CEP162: variants seen among roughly 807,000 people sequenced by gnomAD.
CEP162 encodes the protein centrosomal protein of 162 kDa.
CEP162 carries 141 observed loss-of-function variants against 169.2 expected under a neutral mutation model. The ratio of observed to expected loss-of-function variants is 0.83; its 90% confidence interval spans 0.73 to 0.96. The LOEUF (loss-of-function observed/expected upper bound fraction) is 0.96. Ranked by LOEUF, CEP162 falls within the 40% of genes least tolerant of loss-of-function variation. The pLI is 0.00. For missense variants in CEP162, 1,600 were observed against 1,587.2 expected, an observed-to-expected ratio of 1.01 and a Z score of -0.14; for synonymous variants, 540 against 526.4, an observed-to-expected ratio of 1.03 and a Z score of -0.35.
At chr6:84,174,680 T>C (rs1363346582) in intron 15 of CEP162, 47 bp downstream of exon 15, 3 of 936,752 alleles carry the variant, frequency 3.2e-6, no homozygotes, top group Non-Finnish European at 4.7e-6. Flanking sequence ...TCAGCTTTTT[T>C]TTTTTTTAAT....
At chr6:84,130,920 C>T (rs2099511101) in intron 25 of CEP162, among the ~76,000 whole-genome samples, 5 of 152,040 alleles carry the variant, frequency 3.3e-5, no homozygotes, top group Admixed American at 3.3e-4. Flanking sequence ...TTTGCTCTTG[C>T]TTCTCTAGTT....
At chr6:84,130,687 T>A (rs1050151316) in intron 25 of CEP162, among the ~76,000 whole-genome samples, 7 of 152,234 alleles carry the variant, frequency 4.6e-5, no homozygotes, top group Non-Finnish European at 8.8e-5. Flanking sequence ...TGTATTTCTG[T>A]GGGATCGGTG....
intron 13 of CEP162, among the ~76,000 whole-genome samples, chr6:84,179,800 T>C (rs1183918046): frequency 6.6e-6 from 1 of 152,140 alleles, no homozygotes; most frequent in Non-Finnish European, 1.5e-5. Flanking sequence ...CAGGAAGAAC[T>C]TGAATCCCTG....
In CEP162 at chr6:84,185,379, C is replaced by A. The variant is rs781345509; in HGVS notation, c.1471G>T (p.Ala491Ser). Residue 491 changes from alanine to serine, a missense_variant, in exon 13 of 27, where the codon GCC becomes TCC. Ala to Ser is a moderately conservative substitution (Grantham distance 99). Transcript: ENST00000403245. ...VMGKQVPYKK[A>S]RSAPPLLKRK... is the part of the protein sequence containing the mutation. ...TTAAGTAAAGGAGGTGCACTTCTGGCCTTCTTGTATGGTACCTGTTTACCC... is the reference window on the plus strand; with the variant it reads ...TTAAGTAAAGGAGGTGCACTTCTGGACTTCTTGTATGGTACCTGTTTACCC... 8.1e-6 allele frequency: 13 copies of A among 1,613,412 alleles called. No homozygotes were observed. In the South Asian group the frequency reaches 1.3e-4, roughly 16 times the overall value.
chr6:84,194,291 G>A lies in CEP162; in HGVS notation c.1027+593C>T, dbSNP rs147592794. Among the ~76,000 whole-genome samples, 507 of 151,112 alleles carry A rather than the reference G, an allele frequency of 3.4e-3. 3 individuals carry two copies. The highest frequency in any genetic ancestry group is 0.011 in the African/African-American group (465 of 41,062). On this transcript the variant is annotated intron_variant, in intron 10 of 26. Coordinates refer to ENST00000403245, the MANE Select transcript of CEP162 (RefSeq NM_014895.4). ...AATTGCTTGAACCAGGGTGGCGGAG[G>A]CTGCTGTGAGCCGAGATCGTGCCAT...
chr6:84,153,202 T>A (rs777384043), intron 22 of CEP162, 23 bp from the exon 23 acceptor site: 16 of 1,575,020 alleles, frequency 1.0e-5, no homozygotes, highest in Middle Eastern at 1.7e-4. Context: ...ATCCATGTAA[T>A]GCCAAACACC....
At position 84,152,730 on chromosome 6, in the gene CEP162, G is replaced by A. The variant is rs1376495863; in HGVS notation, c.3444C>T (p.Asn1148=). ...TGCTGTCCAGGGTTCCAGGGAAGGA[G>A]TTAGCATTTCCTTTACTTGAGTGCA... ...DVLHSSKGNA[N]SFPGTLDSKL... The change falls in exon 23 of 27, where the codon AAC becomes AAT. Residue 1148 remains asparagine, a synonymous_variant. Transcript: ENST00000403245. 4 of 1,612,980 alleles carry A rather than the reference G, an allele frequency of 2.5e-6. No homozygotes were observed. The Admixed American group carries it at 5.0e-5, about 20-fold the overall frequency.
At chr6:84,146,629 T>A in intron 25 of CEP162, 58 bp downstream of exon 25, 1 of 729,822 alleles carries the variant, frequency 1.4e-6, no homozygotes, top group East Asian at 2.8e-5. Context: ...TAAATATGAA[T>A]ATGATTGAAA....
chr6:84,186,967 A>G (rs1180258125), intron 11 of CEP162, among the ~76,000 whole-genome samples: 2 of 152,220 alleles, frequency 1.3e-5, no homozygotes, highest in African/African-American at 2.4e-5. Context: ...TTTGTAATAT[A>G]TCTTTTATCT....
In CEP162 at chr6:84,212,947, AT is replaced by A. The variant is rs1380307998; in HGVS notation, c.571+9del. On this transcript the variant is annotated intron_variant, in intron 6 of 26. Coordinates refer to ENST00000403245, the MANE Select transcript of CEP162 (RefSeq NM_014895.4). ...TCAAATATTATAAATTTAAGAACCA[AT>A]GAAATTACCTGCCAGTTCTTCATGT... 3 of 1,498,020 alleles carry A rather than the reference AT, an allele frequency of 2.0e-6. No homozygotes were observed. The African/African-American group carries it at 4.2e-5, about 21-fold the overall frequency. 92.8% of individuals were successfully genotyped at this position (1,498,020 alleles called of 1,614,324 possible). A position where few individuals can be genotyped will look rare whatever the true frequency, so the allele number is the denominator to read the frequency against.
At chr6:84,167,347 C>A (rs1301940477) in intron 18 of CEP162, among the ~76,000 whole-genome samples, 13 of 152,116 alleles carry the variant, frequency 8.5e-5, no homozygotes, top group Admixed American at 8.5e-4. Context: ...TCCCACAGCT[C>A]TGTTTAATGT....
intron 11 of CEP162, among the ~76,000 whole-genome samples, chr6:84,189,567 C>T (rs2099538844): frequency 6.6e-6 from 1 of 152,230 alleles, no homozygotes; most frequent in Admixed American, 6.5e-5. Flanking sequence ...CCCACCGGCG[C>T]TGCGCTCGAT....
chr6:84,215,213 C>A, intron 5 of CEP162, 69 bp downstream of exon 5: 1 of 768,020 alleles, frequency 1.3e-6, no homozygotes, highest in Non-Finnish European at 1.9e-6. Context: ...TATTTAAAAT[C>A]ACACATATAT....
intron 25 of CEP162, among the ~76,000 whole-genome samples, chr6:84,139,775 G>T (rs1381325007): frequency 1.3e-5 from 2 of 152,204 alleles, no homozygotes; most frequent in African/African-American, 4.8e-5. Context: ...TGACTCTTGT[G>T]GGTTTGGTTT....
chr6:84,164,463 T>C (rs1588768498), intron 18 of CEP162, among the ~76,000 whole-genome samples: 1 of 152,184 alleles, frequency 6.6e-6, no homozygotes, highest in African/African-American at 2.4e-5. Flanking sequence ...TGCCCAATGA[T>C]AGACTGGATA....
chr6:84,225,010 AAAG>A lies in CEP162; in HGVS notation c.57+1324_57+1326del, dbSNP rs2099555145. ...TTTTAAATCCTTAAAACAATTCTAC[AAAG>A]AAGGCATTATTTTTCCATGAGACGG... On this transcript the variant is annotated intron_variant, in intron 2 of 26. Coordinates refer to ENST00000403245, the MANE Select transcript of CEP162 (RefSeq NM_014895.4). 2.6e-5 allele frequency among the ~76,000 whole-genome samples: 4 copies of A among 152,222 alleles called. No homozygotes were observed. The South Asian group carries it at 8.3e-4, about 31-fold the overall frequency.
In CEP162 at chr6:84,130,508, G is replaced by T. The variant is rs139514039; in HGVS notation, c.3871-3996C>A. Among the ~76,000 whole-genome samples the T allele has an allele frequency of 6.3e-3, 952 of 152,206 alleles. 4 individuals carry two copies. The highest frequency in any genetic ancestry group is 0.022 in the African/African-American group (916 of 41,518). ...GTCCTGGACTTTTTTTGGTTGGTAG[G>T]CTATTAATTACTCCCTCAATTTCAG... is the stretch of plus-strand genomic sequence containing the variant. On this transcript the variant is annotated intron_variant, in intron 25 of 26. Coordinates refer to ENST00000403245, the MANE Select transcript of CEP162 (RefSeq NM_014895.4).
At chr6:84,134,503 G>A (rs371657192) in intron 25 of CEP162, among the ~76,000 whole-genome samples, 2 of 152,216 alleles carry the variant, frequency 1.3e-5, no homozygotes, top group African/African-American at 4.8e-5. Flanking sequence ...CTTCTGGTGT[G>A]TGCATTGCGA....
chr6:84,162,092 T>C (rs1376256572), intron 19 of CEP162, among the ~76,000 whole-genome samples, 183 bp from the exon 20 acceptor site: 1 of 152,144 alleles, frequency 6.6e-6, no homozygotes, highest in Non-Finnish European at 1.5e-5. Flanking sequence ...TCAAAGGAAA[T>C]AAGAGATTGT....
Sources: gnomAD v4.1 joint callset for allele counts (sites outside exome capture counted in the v4.1 genomes callset) on GRCh38, gnomAD v4.1.1 for gene constraint, MANE v1.5 for transcripts, NCBI Gene and HGNC (gene_info 2026-07-23, HGNC 2026-07-21) for gene names.